KIF18A: variants seen among roughly 807,000 people sequenced by gnomAD.
The protein encoded by KIF18A is kinesin family member 18A.
A neutral mutation model predicts 103.3 loss-of-function variants in KIF18A; 67 were observed. That is an observed-to-expected ratio of 0.65 (90% confidence interval 0.53 to 0.79). The LOEUF (loss-of-function observed/expected upper bound fraction) is 0.79, where lower values mean the gene tolerates loss of function less well. Among genes scored for constraint, KIF18A ranks in the 30% least tolerant of loss-of-function variants. The pLI is 0.00. For synonymous variants in KIF18A, 367 were observed against 355.5 expected (o/e 1.03, Z -0.36); for missense variants, 1,032 against 1,062.5 (o/e 0.97, Z 0.40).
chr11:28,043,194 A>G (rs1042417515), intron 13 of KIF18A, among the ~76,000 whole-genome samples: 7 of 151,830 alleles, frequency 4.6e-5, no homozygotes, highest in Admixed American at 3.3e-4. Context: ...ATTAAAAAGT[A>G]CCCGATATTA....
intron 13 of KIF18A, among the ~76,000 whole-genome samples, chr11:28,039,124 G>GA (rs1850528830): frequency 6.6e-6 from 1 of 151,512 alleles, no homozygotes; most frequent in Non-Finnish European, 1.5e-5. Flanking sequence ...ATATCCCCTA[G>GA]AAAAAAGCGG....
intron 1 of KIF18A, among the ~76,000 whole-genome samples, 186 bp from the exon 2 acceptor site, chr11:28,098,179 C>T (rs1851399969): frequency 6.6e-6 from 1 of 152,012 alleles, no homozygotes; most frequent in South Asian, 2.1e-4. Flanking sequence ...TGCACACATA[C>T]ACACATATGC....
At chr11:28,036,824 C>T (rs926405862) in intron 13 of KIF18A, among the ~76,000 whole-genome samples, 160 bp from the exon 14 acceptor site, 2 of 151,308 alleles carry the variant, frequency 1.3e-5, no homozygotes, top group Non-Finnish European at 3.0e-5. Context: ...TCACGGTTTA[C>T]TGCTAAAAAC....
At chr11:28,060,599 C>G (rs943715638) in intron 12 of KIF18A, among the ~76,000 whole-genome samples, 1 of 152,130 alleles carries the variant, frequency 6.6e-6, no homozygotes, top group Non-Finnish European at 1.5e-5. Context: ...CATAGTAGGT[C>G]TGACACTGCT....
At chr11:28,070,328 T>C (rs1056445833) in intron 10 of KIF18A, among the ~76,000 whole-genome samples, 1 of 152,218 alleles carries the variant, frequency 6.6e-6, no homozygotes, top group Non-Finnish European at 1.5e-5. Flanking sequence ...GGGCATATAA[T>C]AGAAAAATAT....
At chr11:28,038,550 T>G (rs924749895) in intron 13 of KIF18A, among the ~76,000 whole-genome samples, 6 of 151,632 alleles carry the variant, frequency 4.0e-5, no homozygotes, top group East Asian at 1.9e-4. Context: ...TAAAGAACAT[T>G]GAAAGCAGAA....
intron 10 of KIF18A, among the ~76,000 whole-genome samples, chr11:28,072,945 T>C (rs968324808): frequency 6.6e-6 from 1 of 152,108 alleles, no homozygotes; most frequent in African/African-American, 2.4e-5. Context: ...ATAATAATAT[T>C]CAAGTGTTTA....
At chr11:28,101,713 T>C (rs1746849952) in intron 1 of KIF18A, among the ~76,000 whole-genome samples, 1 of 152,154 alleles carries the variant, frequency 6.6e-6, no homozygotes, top group Non-Finnish European at 1.5e-5. Context: ...ATTAATAAAA[T>C]ATTGACACAA....
chr11:28,095,454 C>T (rs1358613609), intron 2 of KIF18A, among the ~76,000 whole-genome samples: 4 of 152,186 alleles, frequency 2.6e-5, no homozygotes, highest in Non-Finnish European at 1.5e-5. Context: ...TCACTTCAGC[C>T]CTTAGTATAT....
At chr11:28,085,562 G>A (rs1053161648) in intron 6 of KIF18A, among the ~76,000 whole-genome samples, 1 of 152,060 alleles carries the variant, frequency 6.6e-6, no homozygotes, top group Non-Finnish European at 1.5e-5. Flanking sequence ...TCTGTTATCG[G>A]CTACCTAAGA....
Position 28,021,062 on chromosome 11 carries a change from G to A in KIF18A, c.*138C>T, listed in dbSNP as rs1850233117. On this transcript the variant is annotated 3_prime_UTR_variant, in exon 17 of 17. Coordinates refer to ENST00000263181, the MANE Select transcript of KIF18A (RefSeq NM_031217.4). ...AGAAAACAAAGAGTTTCATTTTTCT[G>A]CTTGCTGAAAGTACTTGGGTAAACT... The A allele has an allele frequency of 1.4e-6, 1 of 726,972 alleles. No individual in the cohort carries two copies. The highest frequency in any genetic ancestry group is 1.9e-6 in the Non-Finnish European group (1 of 534,952). The allele number at this position is 726,972 out of a possible 1,614,324, so 45.0% of individuals were successfully genotyped here.
intron 10 of KIF18A, among the ~76,000 whole-genome samples, chr11:28,074,454 G>A (rs1391063428): frequency 6.6e-6 from 1 of 152,018 alleles, no homozygotes; most frequent in Admixed American, 6.6e-5. Context: ...AAGAATGCAA[G>A]GAACATCTTA....
chr11:28,029,070 G>A (rs1013342198), intron 15 of KIF18A, among the ~76,000 whole-genome samples: 85 of 151,984 alleles, frequency 5.6e-4, no homozygotes, highest in Non-Finnish European at 3.4e-4. Flanking sequence ...CCAGGACCGG[G>A]CGGATTCACA....
intron 9 of KIF18A, among the ~76,000 whole-genome samples, chr11:28,081,996 C>T (rs1384809295): frequency 6.6e-6 from 1 of 151,970 alleles, no homozygotes; most frequent in African/African-American, 2.4e-5. Flanking sequence ...ATGTGGTGGA[C>T]ATGAAAGAGA....
chr11:28,026,657 GA>G lies in KIF18A; in HGVS notation c.2505-2808del, dbSNP rs570836573. Among the ~76,000 whole-genome samples the G allele has an allele frequency of 7.4e-3, 1,124 of 151,766 alleles. 3 individuals carry two copies. The highest frequency in any genetic ancestry group is 0.01 in the Middle Eastern group (3 of 294). Reference sequence around the variant, plus strand: ...CAATTCACATACCTGGACATTTCCTGAAAAACTATTTGATTTTATAATAGCT... The same window carrying G: ...CAATTCACATACCTGGACATTTCCTGAAAACTATTTGATTTTATAATAGCT... On this transcript the variant is annotated intron_variant, in intron 15 of 16. Transcript: ENST00000263181.
intron 13 of KIF18A, among the ~76,000 whole-genome samples, chr11:28,045,374 C>T (rs563230345): frequency 2.7e-5 from 4 of 149,754 alleles, no homozygotes; most frequent in South Asian, 2.1e-4. Context: ...GACTGTGAAA[C>T]GTTTCCAGTA....
chr11:28,040,992 A>G (rs909202320), intron 13 of KIF18A, among the ~76,000 whole-genome samples: 1 of 151,804 alleles, frequency 6.6e-6, no homozygotes, highest in Non-Finnish European at 1.5e-5. Context: ...ACTATTTTGA[A>G]TCCAGGATCA....
At chr11:28,085,416 A>G (rs1398802213) in intron 6 of KIF18A, among the ~76,000 whole-genome samples, 1 of 152,160 alleles carries the variant, frequency 6.6e-6, no homozygotes, top group Admixed American at 6.5e-5. Context: ...GTCCACTTTC[A>G]TGTTCCTCCT....
Position 28,094,591 on chromosome 11 carries a change from A to G in KIF18A, c.483+52T>C. The G allele has an allele frequency of 2.4e-6, 3 of 1,258,252 alleles. No individual in the cohort carries two copies. In the South Asian group the frequency reaches 3.9e-5, roughly 16 times the overall value. 77.9% of individuals were successfully genotyped at this position (1,258,252 alleles called of 1,614,324 possible). ...TTATATAATAAAATCATTTGTATGA[A>G]TCATGTCAATGATTTCCCAAAACTA... On this transcript the variant is annotated intron_variant, in intron 3 of 16. Coordinates refer to ENST00000263181, the MANE Select transcript of KIF18A (RefSeq NM_031217.4).
Sources: allele counts gnomAD v4.1 joint callset (sites outside exome capture counted in the v4.1 genomes callset), GRCh38; gene constraint gnomAD v4.1.1; transcripts MANE v1.5; gene names NCBI Gene and HGNC (gene_info 2026-07-23, HGNC 2026-07-21).